Variants in GRM7 observed in about 807,000 individuals in gnomAD.
The protein encoded by GRM7 is glutamate metabotropic receptor 7.
A neutral mutation model predicts 84.5 loss-of-function variants in GRM7; 35 were observed. The observed-to-expected ratio is 0.41, with a 90% CI of 0.32 to 0.55. The LOEUF (loss-of-function observed/expected upper bound fraction) is 0.55. Ranked by LOEUF, GRM7 falls within the 20% of genes least tolerant of loss-of-function variation. GRM7 has a pLI of 0.19. For missense variants in GRM7, 1,003 were observed against 1,194.6 expected, an observed-to-expected ratio of 0.84 and a Z score of 2.36; for synonymous variants, 487 against 455.1, an observed-to-expected ratio of 1.07 and a Z score of -0.89.
chr3:6,900,415 G>A (rs1333334983), intron 1 of GRM7, among the ~76,000 whole-genome samples: 2 of 152,026 alleles, frequency 1.3e-5, no homozygotes, highest in African/African-American at 2.4e-5. Flanking sequence ...TTGCACAGAC[G>A]TTAATTTATG....
At chr3:7,452,492 G>A (rs1276852063) in intron 5 of GRM7, 115 bp from the exon 6 acceptor site, 14 of 739,974 alleles carry the variant, frequency 1.9e-5, no homozygotes, top group Non-Finnish European at 3.3e-5. Flanking sequence ...ATTTATCGAA[G>A]CAGTGTTTTC....
chr3:7,446,420 C>T (rs924714441), intron 5 of GRM7, among the ~76,000 whole-genome samples: 1 of 150,978 alleles, frequency 6.6e-6, no homozygotes, highest in African/African-American at 2.4e-5. Flanking sequence ...CCTTTTGAAA[C>T]ACGATTTTGT....
At chr3:7,112,288 G>A (rs1486264812) in intron 1 of GRM7, among the ~76,000 whole-genome samples, 1 of 151,058 alleles carries the variant, frequency 6.6e-6, no homozygotes, top group African/African-American at 2.4e-5. Context: ...GCAGTGGCAC[G>A]ATCTCAGCTC....
At chr3:7,720,091 T>A (rs1209363103) in intron 9 of GRM7, among the ~76,000 whole-genome samples, 1 of 152,074 alleles carries the variant, frequency 6.6e-6, no homozygotes, top group Admixed American at 6.5e-5. Context: ...CTCCCAACAA[T>A]CACTATTATC....
chr3:6,906,311 C>A (rs967529355), intron 1 of GRM7, among the ~76,000 whole-genome samples: 5 of 152,258 alleles, frequency 3.3e-5, no homozygotes, highest in Admixed American at 6.5e-5. Context: ...AAGTTACATG[C>A]TGAAGCTAAG....
chr3:6,888,767 A>G (rs1695809289), intron 1 of GRM7, among the ~76,000 whole-genome samples: 2 of 152,184 alleles, frequency 1.3e-5, no homozygotes, highest in South Asian at 4.1e-4. Context: ...AATTCTGTGA[A>G]GAAAATCATT....
At chr3:6,966,304 G>T (rs984442481) in intron 1 of GRM7, among the ~76,000 whole-genome samples, 2 of 152,134 alleles carry the variant, frequency 1.3e-5, no homozygotes, top group Non-Finnish European at 2.9e-5. Context: ...CTTCACATTT[G>T]GTTGTTCTCT....
intron 5 of GRM7, among the ~76,000 whole-genome samples, chr3:7,432,034 G>A (rs17717740): frequency 0.014 from 2,080 of 152,194 alleles, 24 homozygotes; most frequent in Admixed American, 0.022. Flanking sequence ...AAAGGGCCCC[G>A]AACAAGCTAC....
At chr3:7,407,166 G>C (rs890200801) in intron 4 of GRM7, among the ~76,000 whole-genome samples, 26 of 152,162 alleles carry the variant, frequency 1.7e-4, no homozygotes, top group Non-Finnish European at 2.6e-4. Context: ...GGTTCAAGTT[G>C]GCATTGCCAT....
intron 1 of GRM7, among the ~76,000 whole-genome samples, chr3:6,891,950 G>A (rs549325095): frequency 2.8e-4 from 42 of 152,008 alleles, no homozygotes; most frequent in African/African-American, 9.6e-4. Flanking sequence ...TCTTTTTTCT[G>A]TAAACTTCCC....
chr3:7,367,979 AC>A (rs1237610009), intron 4 of GRM7, among the ~76,000 whole-genome samples: 63 of 334 alleles, frequency 0.19, no homozygotes, highest in South Asian at 0.5. Context: ...AACAACAACT[AC>A]ACAGACAATG....
intron 4 of GRM7, among the ~76,000 whole-genome samples, chr3:7,403,738 T>TATATATGTGA (rs1256071508): frequency 6.7e-6 from 1 of 149,706 alleles, no homozygotes; most frequent in African/African-American, 2.4e-5. Flanking sequence ...AATATCTGTG[T>TATATATGTGA]ATATATGTGA....
At chr3:6,968,533 G>C (rs1219670861) in intron 1 of GRM7, among the ~76,000 whole-genome samples, 1 of 152,108 alleles carries the variant, frequency 6.6e-6, no homozygotes, top group Non-Finnish European at 1.5e-5. Flanking sequence ...AATGAAGTGG[G>C]ATCATTTACT....
intron 9 of GRM7, among the ~76,000 whole-genome samples, chr3:7,721,040 T>C (rs114549107): frequency 9.8e-4 from 150 of 152,346 alleles, no homozygotes; most frequent in African/African-American, 3.5e-3. Flanking sequence ...CTTAGCACTA[T>C]TTCTAGCACA....
At chr3:7,672,771 A>AT (rs199909904) in intron 8 of GRM7, among the ~76,000 whole-genome samples, 162 of 151,640 alleles carry the variant, frequency 1.1e-3, no homozygotes, top group East Asian at 3.9e-3. Context: ...CGCCCGGCTA[A>AT]TTTTTTTTGT....
chr3:7,251,402 G>A (rs1697981300), intron 2 of GRM7, among the ~76,000 whole-genome samples: 1 of 152,014 alleles, frequency 6.6e-6, no homozygotes, highest in Admixed American at 6.6e-5. Context: ...CAGTATCACT[G>A]TGAAGGTACT....
chr3:7,304,306 TCC>T (rs373621028), intron 3 of GRM7, among the ~76,000 whole-genome samples: 39,657 of 100,402 alleles, frequency 0.39, 7,158 homozygotes, highest in East Asian at 0.5. Flanking sequence ...CCATCATCCA[TCC>T]TTTTTTTTTT....
At chr3:7,730,009 G>C (rs926414974) in intron 9 of GRM7, among the ~76,000 whole-genome samples, 2 of 151,626 alleles carry the variant, frequency 1.3e-5, no homozygotes, top group African/African-American at 4.9e-5. Flanking sequence ...CAAGTAGCTG[G>C]GATTGCAGGC....
At chr3:7,095,871 C>G (rs1289614408) in intron 1 of GRM7, among the ~76,000 whole-genome samples, 6 of 151,966 alleles carry the variant, frequency 3.9e-5, no homozygotes, top group Non-Finnish European at 8.8e-5. Flanking sequence ...ATGTGAATTA[C>G]TAGTCAAAGA....
Sources: allele counts gnomAD v4.1 joint callset (sites outside exome capture counted in the v4.1 genomes callset), GRCh38; gene constraint gnomAD v4.1.1; transcripts MANE v1.5; gene names NCBI Gene and HGNC (gene_info 2026-07-23, HGNC 2026-07-21).